Variants in TSHZ2 observed in about 807,000 individuals in gnomAD.
TSHZ2 encodes the protein teashirt homolog 2.
In TSHZ2, 21 loss-of-function variants were observed where a neutral mutation model predicts 74.4. The ratio of observed to expected loss-of-function variants is 0.28; its 90% CI spans 0.20 to 0.41. The LOEUF is 0.41. TSHZ2 is among the 10% of genes least tolerant of loss of function. TSHZ2 has a pLI of 1.00. For missense variants in TSHZ2, 1,244 were observed against 1,293.5 expected (o/e 0.96, Z 0.59); for synonymous variants, 540 against 515.3 (o/e 1.05, Z -0.65).
chr20:53,205,942 C>A (rs1355420826), intron 1 of TSHZ2, among the ~76,000 whole-genome samples: 1 of 152,110 alleles, frequency 6.6e-6, no homozygotes, highest in African/African-American at 2.4e-5. Context: ...ACATATGGGC[C>A]GGGCACGGTG....
At chr20:52,993,002 G>A (rs538395032) in intron 1 of TSHZ2, among the ~76,000 whole-genome samples, 2 of 152,120 alleles carry the variant, frequency 1.3e-5, no homozygotes, top group East Asian at 3.9e-4. Flanking sequence ...TTTTTTCTTA[G>A]GCTTCTCTTT....
chr20:53,278,265 A>G (rs1046452739), intron 2 of TSHZ2, among the ~76,000 whole-genome samples: 1 of 152,194 alleles, frequency 6.6e-6, no homozygotes, highest in African/African-American at 2.4e-5. Flanking sequence ...CCATCTTCTC[A>G]CTTTCCTGAT....
At chr20:53,405,022 G>C (rs1982791778) in intron 2 of TSHZ2, among the ~76,000 whole-genome samples, 1 of 152,172 alleles carries the variant, frequency 6.6e-6, no homozygotes, top group African/African-American at 2.4e-5. Context: ...GGCCGATGTG[G>C]GTGGATCACC....
intron 1 of TSHZ2, among the ~76,000 whole-genome samples, chr20:53,024,885 C>G (rs1983380174): frequency 6.6e-6 from 1 of 152,092 alleles, no homozygotes; most frequent in South Asian, 2.1e-4. Flanking sequence ...TTTTCTTTAT[C>G]CAGTCTATCA....
chr20:53,245,978 G>T (rs1323304623), intron 1 of TSHZ2, among the ~76,000 whole-genome samples: 1 of 151,766 alleles, frequency 6.6e-6, no homozygotes, highest in South Asian at 2.1e-4. Flanking sequence ...AAAATACCTG[G>T]CAATCCCAAA....
chr20:53,365,378 A>C (rs1417150766), intron 2 of TSHZ2, among the ~76,000 whole-genome samples: 13 of 152,134 alleles, frequency 8.5e-5, no homozygotes, highest in Admixed American at 8.5e-4. Flanking sequence ...TTATTCACTT[A>C]GTATGTACCC....
intron 1 of TSHZ2, among the ~76,000 whole-genome samples, chr20:53,168,048 G>A (rs1479914940): frequency 2.0e-5 from 3 of 152,212 alleles, no homozygotes; most frequent in Non-Finnish European, 4.4e-5. Context: ...TGCAGGGTCT[G>A]TCTGGCATCA....
At position 53,032,388 on chromosome 20, in the gene TSHZ2, AAAG is replaced by A. The variant is rs370231597; in HGVS notation, c.40+59059_40+59061del. ...TACCCAATTTTCAACTGGAAGTCAAAAAGAAGCTTTGAAATTTGGCTAATCCCA... is the reference window on the plus strand; with the variant it reads ...TACCCAATTTTCAACTGGAAGTCAAAAAGCTTTGAAATTTGGCTAATCCCA... On this transcript the variant is annotated intron_variant, in intron 1 of 2. Coordinates refer to ENST00000371497, the MANE Select transcript of TSHZ2 (RefSeq NM_173485.6). Among the ~76,000 whole-genome samples, 291 of 152,350 alleles carry A rather than the reference AAAG, an allele frequency of 1.9e-3. 2 individuals carry two copies. Among genetic ancestry groups the A allele is most frequent in the South Asian group, 7.2e-3 (35 of 4,828 alleles).
At chr20:53,046,319 C>T (rs540712455) in intron 1 of TSHZ2, among the ~76,000 whole-genome samples, 15 of 152,264 alleles carry the variant, frequency 9.9e-5, no homozygotes, top group South Asian at 2.1e-4. Context: ...ACGTGACCTC[C>T]GCCGCCAACA....
At chr20:53,124,421 C>T (rs947206395) in intron 1 of TSHZ2, among the ~76,000 whole-genome samples, 4 of 152,226 alleles carry the variant, frequency 2.6e-5, no homozygotes, top group African/African-American at 9.6e-5. Flanking sequence ...GGTCACTGAT[C>T]AGTGACTGGT....
chr20:53,156,689 A>G (rs1489313882), intron 1 of TSHZ2, among the ~76,000 whole-genome samples: 1 of 152,226 alleles, frequency 6.6e-6, no homozygotes, highest in Admixed American at 6.5e-5. Context: ...AAAGAAAAGA[A>G]TTGCTCAAGT....
intron 2 of TSHZ2, among the ~76,000 whole-genome samples, chr20:53,412,094 C>T (rs1346696150): frequency 1.3e-5 from 2 of 152,206 alleles, no homozygotes; most frequent in Non-Finnish European, 2.9e-5. Flanking sequence ...CTTTTCTGCT[C>T]ACTCTTAGCA....
chr20:53,195,245 C>T (rs1234796402), intron 1 of TSHZ2, among the ~76,000 whole-genome samples: 2 of 151,892 alleles, frequency 1.3e-5, no homozygotes, highest in Non-Finnish European at 2.9e-5. Context: ...CTAGTAATTG[C>T]GGGTCATTAA....
chr20:53,300,965 T>C (rs2145480791), intron 2 of TSHZ2, among the ~76,000 whole-genome samples: 1 of 152,276 alleles, frequency 6.6e-6, no homozygotes, highest in Non-Finnish European at 1.5e-5. Context: ...TCTTTTTTAT[T>C]TTCTTTTTGA....
intron 1 of TSHZ2, among the ~76,000 whole-genome samples, chr20:53,101,045 T>C (rs920553351): frequency 7.9e-5 from 12 of 152,314 alleles, no homozygotes; most frequent in Admixed American, 3.9e-4. Context: ...TTTTACCTGG[T>C]CTGTTTAATC....
intron 1 of TSHZ2, among the ~76,000 whole-genome samples, chr20:53,145,107 G>A (rs1987508268): frequency 6.6e-6 from 1 of 152,136 alleles, no homozygotes; most frequent in East Asian, 1.9e-4. Context: ...GAAAGATACA[G>A]CACAAGAAAA....
At chr20:53,352,777 CAAAAAA>C (rs869247919) in intron 2 of TSHZ2, among the ~76,000 whole-genome samples, 4 of 65,628 alleles carry the variant, frequency 6.1e-5, no homozygotes. Context: ...CTGTCTCAAA[CAAAAAA>C]AAAAAAAAAA....
intron 1 of TSHZ2, among the ~76,000 whole-genome samples, chr20:53,249,912 A>G (rs1990288525): frequency 6.6e-6 from 1 of 152,226 alleles, no homozygotes; most frequent in South Asian, 2.1e-4. Context: ...TGAAGAGCAG[A>G]CTGTGGGAAG....
intron 2 of TSHZ2, among the ~76,000 whole-genome samples, chr20:53,355,070 A>G (rs959275705): frequency 1.3e-5 from 2 of 152,198 alleles, no homozygotes; most frequent in African/African-American, 4.8e-5. Flanking sequence ...TTGTTTATTT[A>G]TTGCCTAGAG....
Sources: allele counts gnomAD v4.1 joint callset (sites outside exome capture counted in the v4.1 genomes callset), GRCh38; gene constraint gnomAD v4.1.1; transcripts MANE v1.5; gene names NCBI Gene and HGNC (gene_info 2026-07-23, HGNC 2026-07-21).